LOC400499: variants seen among roughly 807,000 people sequenced by gnomAD.
At chr16:11,451,093 C>T in the LOC400499 span, among the ~76,000 whole-genome samples, 5 of 152,210 alleles carry the variant, frequency 3.3e-5, no homozygotes, top group African/African-American at 7.2e-5. Context: ...CATGCTGAAA[C>T]GTTTAGGAGT....
the LOC400499 span, among the ~76,000 whole-genome samples, chr16:11,438,469 G>A: frequency 1.3e-5 from 2 of 151,864 alleles, no homozygotes; most frequent in South Asian, 4.1e-4. Flanking sequence ...AACAGCAGGT[G>A]TTTAAAAAAA....
the LOC400499 span, among the ~76,000 whole-genome samples, chr16:11,388,435 G>C: frequency 6.6e-6 from 1 of 152,192 alleles, no homozygotes; most frequent in Admixed American, 6.6e-5. Context: ...CACTGAGGCA[G>C]AGGAATCCTA....
chr16:11,459,986 G>C, the LOC400499 span: 695,198 of 1,509,476 alleles, frequency 0.46, 168,502 homozygotes, highest in Non-Finnish European at 0.51. Flanking sequence ...TCTTGTCCCA[G>C]TGCTTCCCGT....
chr16:11,522,835 G>T, the LOC400499 span, among the ~76,000 whole-genome samples: 1 of 152,174 alleles, frequency 6.6e-6, no homozygotes, highest in African/African-American at 2.4e-5. Context: ...CAGCCTTGGG[G>T]GATCTGGGGG....
the LOC400499 span, among the ~76,000 whole-genome samples, chr16:11,450,069 G>C: frequency 6.6e-6 from 1 of 152,186 alleles, no homozygotes; most frequent in Non-Finnish European, 1.5e-5. Flanking sequence ...CCCTGCCTCA[G>C]AGGGGACTGT....
chr16:11,506,561 G>A, the LOC400499 span, among the ~76,000 whole-genome samples: 5 of 152,170 alleles, frequency 3.3e-5, no homozygotes, highest in African/African-American at 9.7e-5. Flanking sequence ...GCAGCCTGGA[G>A]AAGTTGGCCC....
the LOC400499 span, chr16:11,385,536 C>G: frequency 5.4e-4 from 320 of 597,018 alleles, no homozygotes; most frequent in Admixed American, 7.4e-4. Flanking sequence ...GCCCTGAGGC[C>G]TGGATTCCCC....
chr16:11,494,608 G>C, the LOC400499 span: 1 of 399,202 alleles, frequency 2.5e-6, no homozygotes, highest in Non-Finnish European at 4.4e-6. Flanking sequence ...GGATGGTACA[G>C]TTCTCACCCA....
chr16:11,450,915 A>G, the LOC400499 span: 5 of 1,120,966 alleles, frequency 4.5e-6, no homozygotes, highest in African/African-American at 4.6e-5. Context: ...CACAGCCGCA[A>G]TGGACAAATC....
chr16:11,475,318 T>C, the LOC400499 span, among the ~76,000 whole-genome samples: 3 of 152,118 alleles, frequency 2.0e-5, no homozygotes, highest in Non-Finnish European at 2.9e-5. Flanking sequence ...ATCCCAGAAC[T>C]TAAAGTAAAA....
the LOC400499 span, among the ~76,000 whole-genome samples, chr16:11,455,562 C>T: frequency 6.6e-6 from 1 of 151,672 alleles, no homozygotes; most frequent in African/African-American, 2.4e-5. Context: ...GAGTGAAACC[C>T]CGTCTCTACT....
chr16:11,435,621 TG>T, the LOC400499 span: 1 of 399,328 alleles, frequency 2.5e-6, no homozygotes, highest in African/African-American at 2.1e-5. Flanking sequence ...TTGGCCTCTG[TG>T]GTCTCCCTGC....
chr16:11,476,150 G>A, the LOC400499 span, among the ~76,000 whole-genome samples: 2 of 151,662 alleles, frequency 1.3e-5, no homozygotes. Context: ...GAGGGGGTCA[G>A]GATAGAGGGG....
chr16:11,526,190 C>T, the LOC400499 span, among the ~76,000 whole-genome samples: 1 of 152,230 alleles, frequency 6.6e-6, no homozygotes, highest in Non-Finnish European at 1.5e-5. Flanking sequence ...CAGTATGTGG[C>T]TATGAAGCAT....
chr16:11,485,374 T>C, the LOC400499 span, among the ~76,000 whole-genome samples: 1 of 152,138 alleles, frequency 6.6e-6, no homozygotes, highest in Non-Finnish European at 1.5e-5. Context: ...TCCCACCTCC[T>C]CTGCCCCACA....
the LOC400499 span, chr16:11,412,807 C>T: frequency 4.5e-5 from 18 of 398,948 alleles, no homozygotes; most frequent in South Asian, 6.4e-4. Flanking sequence ...ATGGTTCCTC[C>T]CCCGACTCCT....
the LOC400499 span, chr16:11,425,138 C>T: frequency 7.5e-6 from 3 of 398,896 alleles, no homozygotes; most frequent in African/African-American, 4.1e-5. Context: ...CATCACTCAG[C>T]GTGCTGATAT....
the LOC400499 span, chr16:11,414,697 G>C: frequency 5.0e-6 from 2 of 396,768 alleles, no homozygotes; most frequent in Non-Finnish European, 8.9e-6. Context: ...GACATCATCT[G>C]TCATAATTTG....
the LOC400499 span, chr16:11,487,192 T>C: frequency 2.8e-5 from 11 of 398,612 alleles, no homozygotes; most frequent in East Asian, 3.9e-4. Context: ...GACAGGTAAG[T>C]GACTGGGATA....
Sources: allele counts gnomAD v4.1 joint callset (sites outside exome capture counted in the v4.1 genomes callset), GRCh38; gene constraint gnomAD v4.1.1; transcripts MANE v1.5.